SEMA6D: variants seen among roughly 807,000 people sequenced by gnomAD.
SEMA6D encodes the protein semaphorin 6D.
A neutral mutation model predicts 106.6 loss-of-function variants in SEMA6D; 35 were observed. The observed-to-expected ratio is 0.33, with a 90% CI of 0.25 to 0.44. SEMA6D has a LOEUF of 0.44. Ranked by LOEUF, SEMA6D falls within the 20% of genes least tolerant of loss-of-function variation. The pLI is 1.00. For synonymous variants in SEMA6D, 499 were observed against 487.7 expected (o/e 1.02, Z -0.31); for missense variants, 1,185 against 1,345.9 (o/e 0.88, Z 1.87).
intron 1 of SEMA6D, among the ~76,000 whole-genome samples, chr15:47,361,075 T>A (rs1453615495): frequency 6.6e-6 from 1 of 152,218 alleles, no homozygotes; most frequent in Non-Finnish European, 1.5e-5. Context: ...CTACTAGGAC[T>A]TCCCTTCTTC....
chr15:47,557,679 G>T (rs2045953667), intron 3 of SEMA6D, among the ~76,000 whole-genome samples: 1 of 152,118 alleles, frequency 6.6e-6, no homozygotes, highest in Non-Finnish European at 1.5e-5. Context: ...GCTGGGTTTT[G>T]GTTAGGGAAA....
At chr15:47,730,256 C>T (rs1596826682) in intron 1 of SEMA6D, 1 of 1,541,932 alleles carries the variant, frequency 6.5e-7, no homozygotes, top group East Asian at 2.2e-5. Context: ...CTCATCGTAT[C>T]TGTCGTTGTA....
intron 1 of SEMA6D, among the ~76,000 whole-genome samples, chr15:47,748,938 G>A (rs910620016): frequency 6.6e-6 from 1 of 151,398 alleles, no homozygotes; most frequent in African/African-American, 2.5e-5. Context: ...TAGAAGCAAT[G>A]GGATGTACTG....
At chr15:47,376,124 A>ACCT (rs2039439736) in intron 1 of SEMA6D, among the ~76,000 whole-genome samples, 1 of 152,208 alleles carries the variant, frequency 6.6e-6, no homozygotes, top group Non-Finnish European at 1.5e-5. Flanking sequence ...AGAAGAAAAC[A>ACCT]GCTCTATAAC....
chr15:47,511,404 G>A (rs535586093), intron 3 of SEMA6D, among the ~76,000 whole-genome samples: 1 of 152,308 alleles, frequency 6.6e-6, no homozygotes, highest in African/African-American at 2.4e-5. Context: ...ACAGTTGAAA[G>A]GGCAGACACC....
intron 3 of SEMA6D, among the ~76,000 whole-genome samples, chr15:47,575,040 A>G (rs138011233): frequency 1.7e-3 from 259 of 152,330 alleles, no homozygotes; most frequent in Non-Finnish European, 3.0e-3. Flanking sequence ...AGGACTTTCA[A>G]ATGGTGTTTG....
At chr15:47,500,773 T>G (rs901606758) in intron 3 of SEMA6D, among the ~76,000 whole-genome samples, 2 of 152,172 alleles carry the variant, frequency 1.3e-5, no homozygotes, top group African/African-American at 2.4e-5. Context: ...AAAAAATAGT[T>G]TGCCTGATCT....
At chr15:47,338,926 G>T (rs2037688240) in intron 1 of SEMA6D, 1 of 152,128 alleles carries the variant, frequency 6.6e-6, no homozygotes. Flanking sequence ...TACCATAGAG[G>T]AAGGAATGCT....
intron 1 of SEMA6D, chr15:47,274,173 C>T (rs934660590): frequency 2.6e-5 from 4 of 152,126 alleles, no homozygotes; most frequent in Non-Finnish European, 5.9e-5. Context: ...AAACATCCGC[C>T]TGCTTGTTTA....
chr15:47,196,033 T>TG (rs199686674), intron 1 of SEMA6D, among the ~76,000 whole-genome samples: 3,618 of 151,288 alleles, frequency 0.024, 89 homozygotes, highest in East Asian at 0.039. Flanking sequence ...AGATTTTTTT[T>TG]TTTTTGGAGA....
chr15:47,253,855 A>G (rs997240204), intron 1 of SEMA6D, among the ~76,000 whole-genome samples: 1 of 152,124 alleles, frequency 6.6e-6, no homozygotes, highest in African/African-American at 2.4e-5. Context: ...GCTTCCATAC[A>G]AATTTTAGGA....
chr15:47,643,386 G>C (rs1181092410), intron 4 of SEMA6D, among the ~76,000 whole-genome samples: 1 of 152,202 alleles, frequency 6.6e-6, no homozygotes, highest in East Asian at 1.9e-4. Context: ...CTCATGGCAG[G>C]TTTGAAAGAG....
At chr15:47,370,093 G>A (rs529709269) in intron 1 of SEMA6D, among the ~76,000 whole-genome samples, 1 of 152,206 alleles carries the variant, frequency 6.6e-6, no homozygotes, top group Non-Finnish European at 1.5e-5. Flanking sequence ...CTGGCAAAGG[G>A]CAACCTGGTC....
intron 1 of SEMA6D, among the ~76,000 whole-genome samples, chr15:47,223,847 C>G (rs1399150509): frequency 2.0e-5 from 3 of 152,044 alleles, no homozygotes; most frequent in African/African-American, 7.2e-5. Context: ...TGGTTACATT[C>G]TCTTACTCTT....
chr15:47,404,166 T>G (rs1429919682), intron 1 of SEMA6D, among the ~76,000 whole-genome samples: 1 of 152,116 alleles, frequency 6.6e-6, no homozygotes, highest in Non-Finnish European at 1.5e-5. Flanking sequence ...TCACCTTAAA[T>G]TATTCTGTTG....
intron 3 of SEMA6D, among the ~76,000 whole-genome samples, chr15:47,502,399 A>C (rs190339155): frequency 3.7e-4 from 56 of 152,322 alleles, no homozygotes; most frequent in African/African-American, 1.1e-3. Flanking sequence ...GGAATCTGGC[A>C]CATTCAGCTG....
chr15:47,442,890 G>T (rs1197186374), intron 2 of SEMA6D, among the ~76,000 whole-genome samples: 1 of 152,022 alleles, frequency 6.6e-6, no homozygotes, highest in Non-Finnish European at 1.5e-5. Context: ...AGATTTCTAT[G>T]AATTTCAAAT....
chr15:47,766,721 C>A, intron 16 of SEMA6D, 44 bp downstream of exon 16: 1 of 1,265,164 alleles, frequency 7.9e-7, no homozygotes, highest in Non-Finnish European at 1.2e-6. Context: ...TCTTTTTGAC[C>A]ACATTTGCAC....
chr15:47,537,830 T>G (rs1377558950), intron 3 of SEMA6D, among the ~76,000 whole-genome samples: 1 of 152,166 alleles, frequency 6.6e-6, no homozygotes, highest in African/African-American at 2.4e-5. Flanking sequence ...TCAGTGGGAA[T>G]GGGAATGCTG....
Sources: gnomAD v4.1 joint callset for allele counts (sites outside exome capture counted in the v4.1 genomes callset) on GRCh38, gnomAD v4.1.1 for gene constraint, MANE v1.5 for transcripts, NCBI Gene and HGNC (gene_info 2026-07-23, HGNC 2026-07-21) for gene names.